Variants in SLF1 observed in about 807,000 individuals in gnomAD.
The protein encoded by SLF1 is SMC5-SMC6 complex localization factor protein 1.
Under a neutral mutation model 123.0 loss-of-function variants are expected in SLF1, and 105 were observed. That is an observed-to-expected ratio of 0.85 (90% CI 0.73 to 1.00). SLF1 has a LOEUF of 1.00. Among genes scored for constraint, SLF1 ranks in the 50% least tolerant of loss-of-function variants. The pLI is 0.00. For missense variants in SLF1, 1,239 were observed against 1,223.0 expected (o/e 1.01, Z -0.20); for synonymous variants, 434 against 406.6 (o/e 1.07, Z -0.81).
intron 10 of SLF1, among the ~76,000 whole-genome samples, chr5:94,662,717 C>T (rs193165329): frequency 2.0e-5 from 3 of 151,872 alleles, no homozygotes; most frequent in Admixed American, 2.0e-4. Flanking sequence ...GAAAATGATA[C>T]CTTTATTTTA....
At chr5:94,646,539 G>A (rs560656441) in intron 5 of SLF1, among the ~76,000 whole-genome samples, 26 of 152,238 alleles carry the variant, frequency 1.7e-4, no homozygotes, top group Admixed American at 1.0e-3. Flanking sequence ...GCAAGGTACA[G>A]GAATACAGAG....
intron 4 of SLF1, among the ~76,000 whole-genome samples, chr5:94,642,300 A>G (rs929968352): frequency 2.0e-5 from 3 of 152,140 alleles, no homozygotes; most frequent in Admixed American, 6.5e-5. Flanking sequence ...AATCTTTTTC[A>G]TGAGCATTTA....
chr5:94,674,949 A>T (rs1750876284), intron 14 of SLF1, among the ~76,000 whole-genome samples: 5 of 152,242 alleles, frequency 3.3e-5, no homozygotes. Context: ...TAAATAACTT[A>T]TTCAAGGTGT....
intron 15 of SLF1, among the ~76,000 whole-genome samples, chr5:94,680,225 G>GC (rs1011901753): frequency 2.0e-5 from 3 of 152,284 alleles, no homozygotes; most frequent in Admixed American, 1.3e-4. Flanking sequence ...ATTCGATGAT[G>GC]CCCTCTGCAG....
intron 5 of SLF1, among the ~76,000 whole-genome samples, chr5:94,646,330 G>C (rs186865586): frequency 1.3e-5 from 2 of 152,256 alleles, no homozygotes; most frequent in Non-Finnish European, 2.9e-5. Context: ...CTGAGTACCA[G>C]AACTGGAAAT....
chr5:94,620,348 A>G (rs1791640812), intron 1 of SLF1, among the ~76,000 whole-genome samples: 1 of 152,202 alleles, frequency 6.6e-6, no homozygotes, highest in East Asian at 1.9e-4. Context: ...ATAACCTAAC[A>G]TTTTCTTGCT....
chr5:94,622,543 A>G (rs1004825613), intron 1 of SLF1, among the ~76,000 whole-genome samples: 2 of 152,150 alleles, frequency 1.3e-5, no homozygotes, highest in African/African-American at 2.4e-5. Flanking sequence ...GATAAAACCT[A>G]AAAGTCAACA....
intron 6 of SLF1, 47 bp from the exon 7 acceptor site, chr5:94,651,655 T>A: frequency 1.4e-6 from 2 of 1,425,886 alleles, no homozygotes; most frequent in African/African-American, 3.0e-5. Flanking sequence ...GTGTTAAGGC[T>A]ATATTTAATC....
At chr5:94,661,419 G>T (rs1749090634) in intron 9 of SLF1, among the ~76,000 whole-genome samples, 1 of 152,072 alleles carries the variant, frequency 6.6e-6, no homozygotes, top group Non-Finnish European at 1.5e-5. Context: ...TCTCTTAGAT[G>T]CCCTATTCAG....
Position 94,618,687 on chromosome 5 carries a change from G to T in SLF1, c.-79G>T, listed in dbSNP as rs936742349. On this transcript the variant is annotated 5_prime_UTR_variant, in exon 1 of 21. Transcript: ENST00000265140. The stretch of plus-strand genomic sequence containing the variant: ...ATTGTTTCCCAGAGCCCGGATTCGT[G>T]AAGCAGTTGAGTGCTGCAGCGGCAG... The T allele has an allele frequency of 6.5e-6, 1 of 154,816 alleles. No individual in the cohort carries two copies. The highest frequency in any genetic ancestry group is 1.5e-5 in the Non-Finnish European group (1 of 68,252). The allele number at this position is 154,816 out of a possible 1,614,324, so 9.6% of individuals were successfully genotyped here.
intron 4 of SLF1, among the ~76,000 whole-genome samples, chr5:94,631,006 A>AC (rs1158046223): frequency 6.6e-6 from 1 of 152,074 alleles, no homozygotes; most frequent in East Asian, 1.9e-4. Context: ...AAGCAAAACA[A>AC]AAAAGGAAAA....
intron 5 of SLF1, among the ~76,000 whole-genome samples, chr5:94,647,771 T>C (rs1297748155): frequency 6.6e-6 from 1 of 151,976 alleles, no homozygotes; most frequent in African/African-American, 2.4e-5. Context: ...GAGAAAAATA[T>C]GTGGATCATT....
intron 14 of SLF1, among the ~76,000 whole-genome samples, chr5:94,674,295 G>A (rs887217239): frequency 3.3e-5 from 5 of 152,126 alleles, no homozygotes; most frequent in African/African-American, 1.2e-4. Flanking sequence ...AAGCTCTGAT[G>A]TAAATAGTAA....
intron 11 of SLF1, 24 bp from the exon 12 acceptor site, chr5:94,665,837 T>C (rs1282291870): frequency 6.6e-7 from 1 of 1,514,596 alleles, no homozygotes; most frequent in African/African-American, 1.4e-5. Flanking sequence ...GTGTTTTATT[T>C]GTTTGTTTAT....
At chr5:94,629,067 T>A (rs759476837) in intron 2 of SLF1, 25 bp from the exon 3 acceptor site, 7 of 1,521,778 alleles carry the variant, frequency 4.6e-6, no homozygotes, top group African/African-American at 4.2e-5. Flanking sequence ...TAGTAACATT[T>A]CTTGATGTGG....
At chr5:94,687,950 A>G (rs1752625655) in intron 16 of SLF1, among the ~76,000 whole-genome samples, 1 of 148,646 alleles carries the variant, frequency 6.7e-6, no homozygotes, top group African/African-American at 2.5e-5. Context: ...ATCTTTAGAT[A>G]TTAATATTTA....
chr5:94,689,146 G>C (rs12653116), intron 17 of SLF1, among the ~76,000 whole-genome samples: 111 of 152,164 alleles, frequency 7.3e-4, no homozygotes, highest in Non-Finnish European at 1.1e-3. Context: ...AAGTAAGAAT[G>C]GGGAGCAGAG....
intron 1 of SLF1, among the ~76,000 whole-genome samples, chr5:94,624,911 G>T (rs1459720654): frequency 1.3e-5 from 2 of 151,806 alleles, no homozygotes; most frequent in African/African-American, 4.8e-5. Flanking sequence ...TCCTCGGCTG[G>T]GTGGGTGGCT....
At chr5:94,689,261 T>C (rs893382409) in intron 17 of SLF1, among the ~76,000 whole-genome samples, 19 of 152,116 alleles carry the variant, frequency 1.2e-4, no homozygotes, top group Admixed American at 3.9e-4. Flanking sequence ...TAGTGAGCAG[T>C]TGGGGGAGTA....
Sources: allele counts gnomAD v4.1 joint callset (sites outside exome capture counted in the v4.1 genomes callset), GRCh38; gene constraint gnomAD v4.1.1; transcripts MANE v1.5; gene names NCBI Gene and HGNC (gene_info 2026-07-23, HGNC 2026-07-21).